Variants in CRTAM observed in about 807,000 individuals in gnomAD.
The protein encoded by CRTAM is cytotoxic and regulatory T-cell molecule.
In CRTAM, 44 loss-of-function variants were observed where a neutral mutation model predicts 50.0. The observed-to-expected ratio is 0.88, with a 90% confidence interval of 0.69 to 1.13. CRTAM has a LOEUF of 1.13. Among genes scored for constraint, CRTAM ranks in the 50% most tolerant of loss-of-function variants. The pLI is 0.00. For missense variants in CRTAM, 448 were observed against 457.5 expected (o/e 0.98, Z 0.19); for synonymous variants, 159 against 169.3 (o/e 0.94, Z 0.47).
chr11:122,850,021 C>T (rs548812460), intron 1 of CRTAM, 47 bp from the exon 2 acceptor site: 12 of 1,486,814 alleles, frequency 8.1e-6, no homozygotes, highest in South Asian at 7.0e-5. Flanking sequence ...ATCCCTGAGA[C>T]ACTGTGGACC....
intron 5 of CRTAM, among the ~76,000 whole-genome samples, chr11:122,857,115 T>G (rs1188104353): frequency 6.6e-6 from 1 of 152,200 alleles, no homozygotes; most frequent in African/African-American, 2.4e-5. Flanking sequence ...GAAATGGCAG[T>G]TCTCCACCTT....
chr11:122,853,978 A>T lies in CRTAM; in HGVS notation c.382A>T (p.Ile128Phe), dbSNP rs769087858. ...CAAGCCAATCCTGGAAGCTTCAGTT[A>T]TCAGAAAGCAAAATGGAGAAGAACA... ...PFKPILEASVIRKQNGEEHVV... is the reference protein window; with the variant it reads ...PFKPILEASVFRKQNGEEHVV... The change falls in exon 4 of 10, where the codon ATC (isoleucine) becomes TTC (phenylalanine). Residue 128 changes from isoleucine (I) to phenylalanine (F), a missense_variant. Transcript: ENST00000227348. 6.2e-7 allele frequency: 1 copy of T among 1,614,162 alleles called. No individual in the cohort carries two copies. Among genetic ancestry groups the T allele is most frequent in the East Asian group, 2.2e-5 (1 of 44,888 alleles).
chr11:122,851,630 G>C (rs59383989), intron 2 of CRTAM, 63 bp from the exon 3 acceptor site: 2 of 1,478,450 alleles, frequency 1.4e-6, no homozygotes, highest in African/African-American at 2.8e-5. Flanking sequence ...GCATCTACTG[G>C]GTAGAGGCCA....
At position 122,855,691 on chromosome 11, in the gene CRTAM, A is replaced by T; in HGVS notation, c.491-4A>T. On this transcript the variant is annotated splice_region_variant and splice_polypyrimidine_tract_variant and intron_variant, in intron 4 of 9. Coordinates refer to ENST00000227348, the MANE Select transcript of CRTAM (RefSeq NM_019604.4). ...AGCCATAACCTCTTCAAATTGCTAC[A>T]TAGGTGGAACGCTCCATGAATTTGA... 1.2e-6 allele frequency: 2 copies of T among 1,613,898 alleles called. No homozygotes were observed. The highest frequency in any genetic ancestry group is 1.7e-6 in the Non-Finnish European group (2 of 1,179,846).
In CRTAM at chr11:122,872,254, A is replaced by G. The variant is rs1862265173; in HGVS notation, c.*855A>G. The stretch of plus-strand genomic sequence containing the variant: ...GATGAGCAAGAAGGCCCCAGAACCC[A>G]TGCCCCAAGGCACAAAGAGGAGCTC... On this transcript the variant is annotated 3_prime_UTR_variant, in exon 10 of 10. Transcript: ENST00000227348. 1 of 152,328 alleles carries G rather than the reference A, an allele frequency of 6.6e-6. No individual in the cohort carries two copies. The highest frequency in any genetic ancestry group is 2.4e-5 in the African/African-American group (1 of 41,460). 9.4% of individuals were successfully genotyped at this position (152,328 alleles called of 1,614,324 possible).
chr11:122,845,516 A>G (rs1861852582), intron 1 of CRTAM, among the ~76,000 whole-genome samples: 3 of 152,000 alleles, frequency 2.0e-5, no homozygotes, highest in Admixed American at 2.0e-4. Flanking sequence ...CAAGACCAGG[A>G]CAACATGGTA....
chr11:122,871,119 C>T (rs1389801667), intron 9 of CRTAM, 150 bp from the exon 10 acceptor site: 2 of 696,674 alleles, frequency 2.9e-6, no homozygotes, highest in South Asian at 4.3e-5. Flanking sequence ...ATAATAATGC[C>T]TTCAGACCAT....
intron 5 of CRTAM, 196 bp from the exon 6 acceptor site, chr11:122,862,268 G>A: frequency 5.2e-6 from 3 of 580,934 alleles, no homozygotes; most frequent in Non-Finnish European, 9.2e-6. Flanking sequence ...AAGCCAGGCA[G>A]GTGAGCAGAT....
In CRTAM at chr11:122,851,904, G is replaced by C. The variant is rs903715973; in HGVS notation, c.346+59G>C. The stretch of plus-strand genomic sequence containing the variant: ...AATATGGATAGGAACACGATATGTC[G>C]TTTTTAAACTGAACCTTTTAGTTTA... On this transcript the variant is annotated intron_variant, in intron 3 of 9. Transcript: ENST00000227348. 1.2e-5 allele frequency: 18 copies of C among 1,499,996 alleles called. No individual in the cohort carries two copies. The African/African-American group carries it at 1.8e-4, about 15-fold the overall frequency. 92.9% of individuals were successfully genotyped at this position (1,499,996 alleles called of 1,614,324 possible).
At chr11:122,841,204 T>C (rs1288666926) in intron 1 of CRTAM, among the ~76,000 whole-genome samples, 1 of 152,182 alleles carries the variant, frequency 6.6e-6, no homozygotes, top group Admixed American at 6.5e-5. Flanking sequence ...AAAAATCTTT[T>C]TTTGTAATGA....
At chr11:122,857,401 G>A (rs1404796739) in intron 5 of CRTAM, among the ~76,000 whole-genome samples, 5 of 152,178 alleles carry the variant, frequency 3.3e-5, no homozygotes, top group African/African-American at 7.2e-5. Flanking sequence ...CCCGAGAGGC[G>A]GAGTTTACAG....
chr11:122,847,314 C>T (rs916029175), intron 1 of CRTAM, among the ~76,000 whole-genome samples: 1 of 152,122 alleles, frequency 6.6e-6, no homozygotes, highest in African/African-American at 2.4e-5. Context: ...TGATTATAAA[C>T]AGCTCCTCGG....
chr11:122,852,279 A>T (rs1861941352), intron 3 of CRTAM, among the ~76,000 whole-genome samples: 1 of 152,186 alleles, frequency 6.6e-6, no homozygotes, highest in African/African-American at 2.4e-5. Flanking sequence ...ATGAATTCAG[A>T]TGTAGCTGCA....
intron 9 of CRTAM, among the ~76,000 whole-genome samples, chr11:122,868,764 T>G (rs537926271): frequency 1.3e-5 from 2 of 152,310 alleles, no homozygotes; most frequent in South Asian, 4.1e-4. Flanking sequence ...ATCCCAGCAC[T>G]TTGGGAGGCC....
At chr11:122,851,906 T>G (rs1861935583) in intron 3 of CRTAM, 61 bp downstream of exon 3, 2 of 1,495,750 alleles carry the variant, frequency 1.3e-6, no homozygotes, top group Non-Finnish European at 1.8e-6. Context: ...GATATGTCGT[T>G]TTTAAACTGA....
In CRTAM at chr11:122,871,399, G is replaced by T; in HGVS notation, c.1182G>T (p.Ter394TyrextTer8). ...KHIQVPESIV[*>Y] is the part of the protein sequence containing the mutation. ...TCCAAGTACCAGAGAGTATTGTGTA[G>T]TGCTCTCTGCAATGGAACATGTGAT... The change falls in exon 10 of 10, where the codon TAG becomes TAT. Residue 394 changes from the stop codon to tyrosine (Y), a stop_lost. Coordinates refer to ENST00000227348, the MANE Select transcript of CRTAM (RefSeq NM_019604.4). 1 of 1,611,006 alleles carries T rather than the reference G, an allele frequency of 6.2e-7. No homozygotes were observed. The highest frequency in any genetic ancestry group is 8.5e-7 in the Non-Finnish European group (1 of 1,178,778).
chr11:122,850,356 C>T (rs1485867434), intron 2 of CRTAM, 142 bp downstream of exon 2: 2 of 731,692 alleles, frequency 2.7e-6, no homozygotes, highest in Non-Finnish European at 4.2e-6. Flanking sequence ...ATGAATCACG[C>T]CTCCAAATCC....
intron 1 of CRTAM, among the ~76,000 whole-genome samples, chr11:122,849,364 C>T (rs1431782625): frequency 1.3e-5 from 2 of 152,198 alleles, no homozygotes; most frequent in African/African-American, 4.8e-5. Flanking sequence ...ACCTCTGTTA[C>T]CTTGAGCCTC....
intron 4 of CRTAM, among the ~76,000 whole-genome samples, chr11:122,855,196 G>A (rs933877707): frequency 2.6e-5 from 4 of 152,112 alleles, no homozygotes; most frequent in South Asian, 2.1e-4. Flanking sequence ...CAACTGCCTC[G>A]GCCTCCCAGA....
Sources: gnomAD v4.1 joint callset for allele counts (sites outside exome capture counted in the v4.1 genomes callset) on GRCh38, gnomAD v4.1.1 for gene constraint, MANE v1.5 for transcripts, NCBI Gene and HGNC (gene_info 2026-07-23, HGNC 2026-07-21) for gene names.